KCNN2: variants seen among roughly 807,000 people sequenced by gnomAD.
KCNN2 encodes small conductance calcium-activated potassium channel protein 2.
A neutral mutation model predicts 55.5 loss-of-function variants in KCNN2; 24 were observed. The observed-to-expected ratio is 0.43, with a 90% CI of 0.31 to 0.61. The LOEUF is 0.61. KCNN2 is among the 20% of genes least tolerant of loss of function. The pLI is 0.08. For synonymous variants in KCNN2, 431 were observed against 336.1 expected, an observed-to-expected ratio of 1.28 and a Z score of -3.09; for missense variants, 754 against 853.6, an observed-to-expected ratio of 0.88 and a Z score of 1.45.
chr5:114,199,657 C>T (rs1753631062), intron 1 of KCNN2, among the ~76,000 whole-genome samples: 1 of 151,434 alleles, frequency 6.6e-6, no homozygotes, highest in Non-Finnish European at 1.5e-5. Flanking sequence ...CCTTTCATTC[C>T]CATGTTTGAG....
At chr5:114,461,695 T>A (rs1318528221) in intron 3 of KCNN2, among the ~76,000 whole-genome samples, 2 of 152,042 alleles carry the variant, frequency 1.3e-5, no homozygotes, top group Non-Finnish European at 1.5e-5. Flanking sequence ...TTTTTTATTT[T>A]TGAAGCAGGA....
intron 1 of KCNN2, among the ~76,000 whole-genome samples, chr5:114,142,851 AT>A (rs896104092): frequency 2.6e-4 from 39 of 152,224 alleles, no homozygotes; most frequent in Non-Finnish European, 4.8e-4. Context: ...TCTTCACAGA[AT>A]TGTAAAAAAC....
intron 1 of KCNN2, among the ~76,000 whole-genome samples, chr5:114,172,593 G>T (rs1397223952): frequency 2.6e-5 from 3 of 114,870 alleles, no homozygotes; most frequent in African/African-American, 8.1e-5. Flanking sequence ...CACATATTTA[G>T]TTATATATAT....
At chr5:114,262,624 G>C (rs1755130898) in intron 2 of KCNN2, among the ~76,000 whole-genome samples, 1 of 152,182 alleles carries the variant, frequency 6.6e-6, no homozygotes, top group Non-Finnish European at 1.5e-5. Flanking sequence ...ACTTCATAGA[G>C]TAATTTTAAA....
At chr5:114,090,674 A>T (rs573748780) in intron 1 of KCNN2, among the ~76,000 whole-genome samples, 4 of 152,024 alleles carry the variant, frequency 2.6e-5, no homozygotes, top group African/African-American at 9.7e-5. Flanking sequence ...AGAACATTTG[A>T]ATAGAGCTTT....
intron 1 of KCNN2, among the ~76,000 whole-genome samples, chr5:114,076,027 T>G (rs536241566): frequency 6.6e-6 from 1 of 152,248 alleles, no homozygotes; most frequent in Non-Finnish European, 1.5e-5. Context: ...GAATAGTTTG[T>G]TACGCACCAC....
chr5:114,434,338 C>A (rs1008779362), intron 3 of KCNN2, among the ~76,000 whole-genome samples: 4 of 152,020 alleles, frequency 2.6e-5, no homozygotes, highest in Non-Finnish European at 5.9e-5. Flanking sequence ...TTTTTTCTTA[C>A]AATTTCTATC....
intron 3 of KCNN2, among the ~76,000 whole-genome samples, chr5:114,438,895 AG>A (rs1185318436): frequency 2.0e-5 from 3 of 152,238 alleles, no homozygotes; most frequent in Admixed American, 1.3e-4. Flanking sequence ...GCCTTGGTAC[AG>A]CAATGAGTGC....
chr5:114,159,352 C>T, intron 1 of KCNN2, among the ~76,000 whole-genome samples: 1 of 152,138 alleles, frequency 6.6e-6, no homozygotes, highest in East Asian at 1.9e-4. Flanking sequence ...AGGGATGAAG[C>T]CCACTTGATC....
chr5:114,232,102 G>A (rs1754375105), intron 2 of KCNN2, among the ~76,000 whole-genome samples: 1 of 150,936 alleles, frequency 6.6e-6, no homozygotes, highest in Admixed American at 6.6e-5. Context: ...CAGTGTCCCT[G>A]TCCCACTGTT....
At chr5:114,384,525 A>G (rs796618709) in intron 2 of KCNN2, among the ~76,000 whole-genome samples, 2 of 152,186 alleles carry the variant, frequency 1.3e-5, no homozygotes, top group South Asian at 4.2e-4. Flanking sequence ...TCACTCTGGG[A>G]TTCCCATCTT....
At chr5:114,065,846 GTTTTTTTTTTTTTTTT>G (rs56127808) in intron 1 of KCNN2, among the ~76,000 whole-genome samples, 7 of 45,244 alleles carry the variant, frequency 1.5e-4, no homozygotes, top group South Asian at 1.4e-3. Flanking sequence ...TCCTATGCAG[GTTTTTTTTTTTTTTTT>G]TTTTTTTTTT....
chr5:114,425,344 T>C (rs1023498693), intron 3 of KCNN2, among the ~76,000 whole-genome samples: 6 of 152,208 alleles, frequency 3.9e-5, no homozygotes, highest in African/African-American at 1.4e-4. Flanking sequence ...CCATAGGACC[T>C]ACACCAACAG....
intron 2 of KCNN2, among the ~76,000 whole-genome samples, chr5:114,393,376 AGT>A (rs1015313014): frequency 7.2e-5 from 11 of 152,128 alleles, no homozygotes; most frequent in Non-Finnish European, 1.3e-4. Flanking sequence ...AATTGGATTC[AGT>A]GTGTTTGGCT....
At chr5:114,190,194 G>T (rs1029188757) in intron 1 of KCNN2, among the ~76,000 whole-genome samples, 1 of 151,890 alleles carries the variant, frequency 6.6e-6, no homozygotes, top group Non-Finnish European at 1.5e-5. Context: ...CACAAAACAA[G>T]CTGAAGATGT....
intron 2 of KCNN2, among the ~76,000 whole-genome samples, chr5:114,364,604 T>A (rs1196077735): frequency 6.6e-6 from 1 of 151,544 alleles, no homozygotes; most frequent in Non-Finnish European, 1.5e-5. Flanking sequence ...AAGGCCACTG[T>A]CCTTGTGAGT....
intron 2 of KCNN2, among the ~76,000 whole-genome samples, chr5:114,355,110 C>T (rs1406106476): frequency 6.6e-6 from 1 of 152,264 alleles, no homozygotes; most frequent in African/African-American, 2.4e-5. Context: ...CCAACTCTCT[C>T]CTGGCACTGA....
At chr5:114,482,209 G>A (rs939063973) in intron 5 of KCNN2, among the ~76,000 whole-genome samples, 44 of 152,084 alleles carry the variant, frequency 2.9e-4, no homozygotes, top group Admixed American at 2.7e-3. Context: ...TAAAAAGTGG[G>A]CAAAGGACAT....
In KCNN2 at chr5:114,362,839, C is replaced by G. The variant is rs780577434; in HGVS notation, c.700C>G (p.Arg234Gly). ...RPLSNLSASR[R>G]NLHEMDSEAQ... is the part of the protein sequence containing the mutation. ...GCTCAGCAACTTGAGCGCGTCCCGCCGGAACCTGCACGAGATGGACTCAGA... is the reference window on the plus strand; with the variant it reads ...GCTCAGCAACTTGAGCGCGTCCCGCGGGAACCTGCACGAGATGGACTCAGA... The change falls in exon 1 of 8, where the codon CGG becomes GGG. Residue 234 changes from arginine (R) to glycine (G), a missense_variant. Transcript: ENST00000673685. 2 of 1,600,158 alleles carry G rather than the reference C, an allele frequency of 1.2e-6. No individual in the cohort carries two copies. Among genetic ancestry groups the G allele is most frequent in the Admixed American group, 1.7e-5 (1 of 59,848 alleles).
Sources: allele counts gnomAD v4.1 joint callset (sites outside exome capture counted in the v4.1 genomes callset), GRCh38; gene constraint gnomAD v4.1.1; transcripts MANE v1.5; gene names NCBI Gene and HGNC (gene_info 2026-07-23, HGNC 2026-07-21).